Variants in SLIT2 observed in about 807,000 individuals in gnomAD.
The protein encoded by SLIT2 is slit homolog 2 protein.
Under a neutral mutation model 185.7 loss-of-function variants are expected in SLIT2, and 41 were observed. That is an observed-to-expected ratio of 0.22 (90% CI 0.17 to 0.29). The LOEUF (loss-of-function observed/expected upper bound fraction) is 0.29, where lower values mean the gene tolerates loss of function less well. Ranked by LOEUF, SLIT2 falls within the 10% of genes least tolerant of loss-of-function variation. SLIT2 has a pLI of 1.00. For synonymous variants in SLIT2, 693 were observed against 680.2 expected, an observed-to-expected ratio of 1.02 and a Z score of -0.29; for missense variants, 1,571 against 1,909.0, an observed-to-expected ratio of 0.82 and a Z score of 3.30.
chr4:20,404,882 A>G (rs1429727318), intron 4 of SLIT2, among the ~76,000 whole-genome samples: 4 of 152,066 alleles, frequency 2.6e-5, no homozygotes, highest in African/African-American at 7.2e-5. Flanking sequence ...CCAGATGACT[A>G]GAAATAGCAT....
chr4:20,493,628 C>A (rs1222192299), intron 9 of SLIT2, among the ~76,000 whole-genome samples: 1 of 152,166 alleles, frequency 6.6e-6, no homozygotes, highest in African/African-American at 2.4e-5. Flanking sequence ...GTTGGAACCC[C>A]AGGTTTACCT....
intron 16 of SLIT2, among the ~76,000 whole-genome samples, chr4:20,529,970 A>G (rs1211931598): frequency 6.6e-6 from 1 of 152,000 alleles, no homozygotes; most frequent in East Asian, 1.9e-4. Flanking sequence ...ATTGTGTGTT[A>G]TTGTTTATCT....
intron 29 of SLIT2, among the ~76,000 whole-genome samples, chr4:20,581,676 C>T (rs562744507): frequency 7.2e-5 from 11 of 152,230 alleles, no homozygotes; most frequent in Admixed American, 2.6e-4. Flanking sequence ...AAGTGGTCAC[C>T]TCTCATGTGC....
chr4:20,500,295 G>T (rs1718610723), intron 9 of SLIT2, among the ~76,000 whole-genome samples: 2 of 152,104 alleles, frequency 1.3e-5, no homozygotes, highest in Admixed American at 1.3e-4. Flanking sequence ...GCATAATTTA[G>T]AAAATGTTAT....
chr4:20,588,007 C>A (rs1727206596), intron 29 of SLIT2, among the ~76,000 whole-genome samples: 1 of 152,144 alleles, frequency 6.6e-6, no homozygotes, highest in African/African-American at 2.4e-5. Flanking sequence ...ATATCTCCAT[C>A]AGATAGATTT....
At chr4:20,316,891 G>T (rs1718641673) in intron 4 of SLIT2, among the ~76,000 whole-genome samples, 1 of 147,414 alleles carries the variant, frequency 6.8e-6, no homozygotes, top group Non-Finnish European at 1.5e-5. Flanking sequence ...GGTTTATTGT[G>T]AACAAGGAAA....
chr4:20,445,122 C>T (rs1274917617), intron 4 of SLIT2, among the ~76,000 whole-genome samples: 4 of 152,214 alleles, frequency 2.6e-5, no homozygotes, highest in Admixed American at 6.5e-5. Context: ...CCATTCCCCT[C>T]ACCCCTCTCC....
chr4:20,558,422 A>T (rs1315134466), intron 26 of SLIT2, among the ~76,000 whole-genome samples: 1 of 152,106 alleles, frequency 6.6e-6, no homozygotes, highest in Non-Finnish European at 1.5e-5. Flanking sequence ...GAAGGCTCAG[A>T]TGATCATTCA....
chr4:20,304,121 A>G (rs1717314346), intron 4 of SLIT2, among the ~76,000 whole-genome samples: 1 of 152,128 alleles, frequency 6.6e-6, no homozygotes, highest in Non-Finnish European at 1.5e-5. Flanking sequence ...ATAGCAGAGG[A>G]GGTGTTTTCT....
At chr4:20,476,297 T>A (rs1716101422) in intron 5 of SLIT2, among the ~76,000 whole-genome samples, 2 of 152,122 alleles carry the variant, frequency 1.3e-5, no homozygotes, top group South Asian at 4.1e-4. Context: ...TTTATTCTTT[T>A]TCTCCCATGT....
intron 4 of SLIT2, among the ~76,000 whole-genome samples, chr4:20,436,272 A>T (rs931400097): frequency 6.6e-6 from 1 of 152,224 alleles, no homozygotes; most frequent in African/African-American, 2.4e-5. Flanking sequence ...CTTTAAACAT[A>T]CAATCTAAGT....
chr4:20,470,986 T>G, intron 5 of SLIT2, among the ~76,000 whole-genome samples: 1 of 152,162 alleles, frequency 6.6e-6, no homozygotes, highest in East Asian at 1.9e-4. Flanking sequence ...TTTGGAAGCT[T>G]ATGTTTCTAC....
At chr4:20,596,893 AAT>A (rs1728025953) in intron 32 of SLIT2, among the ~76,000 whole-genome samples, 1 of 152,076 alleles carries the variant, frequency 6.6e-6, no homozygotes, top group Non-Finnish European at 1.5e-5. Flanking sequence ...TAAAAAAAAA[AAT>A]ATGTCTCTTT....
chr4:20,274,361 C>A (rs1713951588), intron 4 of SLIT2, among the ~76,000 whole-genome samples: 1 of 152,050 alleles, frequency 6.6e-6, no homozygotes, highest in African/African-American at 2.4e-5. Context: ...ACTTTATTTT[C>A]AAATAGATAG....
chr4:20,254,581 G>T lies in SLIT2; in HGVS notation c.179+587G>T, dbSNP rs148095592. Among the ~76,000 whole-genome samples, 1,652 of 152,244 alleles carry T rather than the reference G, an allele frequency of 0.011. 8 individuals are homozygous for T. The highest frequency in any genetic ancestry group is 0.017 in the Middle Eastern group (5 of 294). The stretch of plus-strand genomic sequence containing the variant: ...GGGTGCCCCAGGACGGCGACACCTC[G>T]CATAGTAGCCTCGCGCAGCCCCCCG... On this transcript the variant is annotated intron_variant, in intron 1 of 36. Coordinates refer to ENST00000504154, the MANE Select transcript of SLIT2 (RefSeq NM_004787.4). The surrounding 1 kb of genome is among the most constrained non-coding windows in gnomAD (Gnocchi z 5.1).
intron 30 of SLIT2, among the ~76,000 whole-genome samples, chr4:20,594,535 A>C (rs1182664011): frequency 2.6e-5 from 4 of 152,018 alleles, no homozygotes; most frequent in Admixed American, 6.6e-5. Flanking sequence ...GGAGGCTTCC[A>C]GAAGACCCCT....
intron 9 of SLIT2, among the ~76,000 whole-genome samples, chr4:20,505,319 G>T (rs1719105923): frequency 6.6e-6 from 1 of 151,946 alleles, no homozygotes; most frequent in Non-Finnish European, 1.5e-5. Context: ...CTATATAAGT[G>T]CAAAGCTCAT....
In SLIT2 at chr4:20,619,560, GC is replaced by G. The variant is rs1729933897; in HGVS notation, c.*552del. ...TCCATTTACGAGAGGAAATGAAAGTGCTAAAATAAATTTTATCTTCCTTTTA... is the reference window on the plus strand; with the variant it reads ...TCCATTTACGAGAGGAAATGAAAGTGTAAAATAAATTTTATCTTCCTTTTA... On this transcript the variant is annotated 3_prime_UTR_variant, in exon 37 of 37. Coordinates refer to ENST00000504154, the MANE Select transcript of SLIT2 (RefSeq NM_004787.4). 1 of 152,126 alleles carries G rather than the reference GC, an allele frequency of 6.6e-6. No homozygotes were observed. Among genetic ancestry groups the G allele is most frequent in the Non-Finnish European group, 1.5e-5 (1 of 68,026 alleles). 9.4% of individuals were successfully genotyped at this position (152,126 alleles called of 1,614,324 possible).
intron 4 of SLIT2, among the ~76,000 whole-genome samples, chr4:20,461,577 T>G (rs187036754): frequency 9.9e-5 from 15 of 152,190 alleles, no homozygotes; most frequent in Admixed American, 2.6e-4. Flanking sequence ...TGGGAGACTA[T>G]TAGGTAACTC....
Sources: gnomAD v4.1 joint callset for allele counts (sites outside exome capture counted in the v4.1 genomes callset) on GRCh38, gnomAD v4.1.1 for gene constraint, Gnocchi (gnomAD v3.1) non-coding constraint, MANE v1.5 for transcripts, NCBI Gene and HGNC (gene_info 2026-07-23, HGNC 2026-07-21) for gene names.